KCTD16: variants seen among roughly 807,000 people sequenced by gnomAD.
The protein encoded by KCTD16 is BTB/POZ domain-containing protein KCTD16.
KCTD16 carries 13 observed loss-of-function variants against 33.2 expected under a neutral mutation model. That is an observed-to-expected ratio of 0.39 (90% CI 0.25 to 0.62). The LOEUF is 0.62. KCTD16 is among the 20% of genes least tolerant of loss of function. The pLI, the probability that KCTD16 is intolerant of heterozygous loss-of-function variation, is 0.50. For missense variants in KCTD16, 441 were observed against 525.1 expected, an observed-to-expected ratio of 0.84 and a Z score of 1.57; for synonymous variants, 197 against 195.3, an observed-to-expected ratio of 1.01 and a Z score of -0.07.
At chr5:144,346,345 T>G (rs576192462) in intron 3 of KCTD16, among the ~76,000 whole-genome samples, 129 of 152,316 alleles carry the variant, frequency 8.5e-4, no homozygotes, top group Middle Eastern at 3.4e-3. Flanking sequence ...TTTGATATAC[T>G]GATTTCCTTT....
chr5:144,427,002 C>T (rs940802991), intron 3 of KCTD16, among the ~76,000 whole-genome samples: 2 of 152,138 alleles, frequency 1.3e-5, no homozygotes, highest in South Asian at 2.1e-4. Context: ...ATATGCTACA[C>T]TTATTCCCAC....
chr5:144,189,888 A>T (rs1752807384), intron 2 of KCTD16, among the ~76,000 whole-genome samples: 1 of 152,158 alleles, frequency 6.6e-6, no homozygotes, highest in Non-Finnish European at 1.5e-5. Flanking sequence ...TAAAGAGTTT[A>T]TGTGGCCTCT....
chr5:144,438,194 T>C (rs553695054), intron 3 of KCTD16, among the ~76,000 whole-genome samples: 60 of 152,346 alleles, frequency 3.9e-4, no homozygotes, highest in Non-Finnish European at 6.8e-4. Context: ...TAGCCAGCAC[T>C]AGAGCATTTG....
At chr5:144,441,807 G>A (rs758532465) in intron 3 of KCTD16, among the ~76,000 whole-genome samples, 1 of 129,658 alleles carries the variant, frequency 7.7e-6, no homozygotes, top group Non-Finnish European at 1.6e-5. Context: ...CAGCAATTTT[G>A]TATCCCTTCC....
intron 3 of KCTD16, among the ~76,000 whole-genome samples, chr5:144,380,605 A>T (rs951913933): frequency 6.6e-6 from 1 of 152,192 alleles, no homozygotes; most frequent in African/African-American, 2.4e-5. Context: ...ATGAGGCTCC[A>T]GTTACCAAAA....
intron 3 of KCTD16, among the ~76,000 whole-genome samples, chr5:144,402,965 G>C (rs775705327): frequency 1.3e-5 from 2 of 152,170 alleles, no homozygotes; most frequent in African/African-American, 4.8e-5. Context: ...AGACTCCAGA[G>C]AAGAATCTGT....
chr5:144,300,672 A>G lies in KCTD16; in HGVS notation c.832+93126A>G, dbSNP rs1164257734. ...AATATGCCCCACTAGTGAAGACATA[A>G]CACTCTATTGAAGAGTACGGCCATA... On this transcript the variant is annotated intron_variant, in intron 3 of 3. Coordinates refer to ENST00000512467, the MANE Select transcript of KCTD16 (RefSeq NM_020768.4). 2.6e-5 allele frequency among the ~76,000 whole-genome samples: 4 copies of G among 152,226 alleles called. No homozygotes were observed. The South Asian group carries it at 6.2e-4, about 24-fold the overall frequency.
intron 3 of KCTD16, among the ~76,000 whole-genome samples, chr5:144,410,511 A>C (rs1752910076): frequency 2.0e-5 from 3 of 152,186 alleles, no homozygotes; most frequent in African/African-American, 7.2e-5. Flanking sequence ...TATAGAAACT[A>C]ATACTAGATT....
At chr5:144,304,275 A>G (rs1044890842) in intron 3 of KCTD16, among the ~76,000 whole-genome samples, 8 of 152,214 alleles carry the variant, frequency 5.3e-5, no homozygotes, top group Non-Finnish European at 1.0e-4. Context: ...AGGAAAGGAC[A>G]GTGTGATCCT....
At chr5:144,258,362 C>G (rs1000321267) in intron 3 of KCTD16, among the ~76,000 whole-genome samples, 3 of 151,838 alleles carry the variant, frequency 2.0e-5, no homozygotes, top group African/African-American at 4.8e-5. Flanking sequence ...GTACAGTTAT[C>G]TAGTAATTAT....
At chr5:144,210,292 T>G (rs553912279) in intron 3 of KCTD16, among the ~76,000 whole-genome samples, 4 of 152,212 alleles carry the variant, frequency 2.6e-5, no homozygotes, top group African/African-American at 7.2e-5. Flanking sequence ...TCAACAGGTA[T>G]TTGTATGTGC....
At chr5:144,263,318 G>A (rs570822365) in intron 3 of KCTD16, among the ~76,000 whole-genome samples, 5 of 152,120 alleles carry the variant, frequency 3.3e-5, no homozygotes, top group East Asian at 3.9e-4. Flanking sequence ...TCACATTTTC[G>A]TAACTAAATT....
intron 3 of KCTD16, among the ~76,000 whole-genome samples, chr5:144,312,967 G>T (rs1450125790): frequency 3.3e-5 from 5 of 152,168 alleles, no homozygotes; most frequent in African/African-American, 1.2e-4. Context: ...TCCGCTAATC[G>T]CCTTGAGTTG....
intron 3 of KCTD16, among the ~76,000 whole-genome samples, chr5:144,376,023 C>T (rs1229893227): frequency 1.3e-5 from 2 of 152,034 alleles, no homozygotes; most frequent in African/African-American, 4.8e-5. Flanking sequence ...CGGGGTTTCA[C>T]CATGTTGGCT....
At chr5:144,436,395 C>T (rs1753578512) in intron 3 of KCTD16, among the ~76,000 whole-genome samples, 3 of 152,126 alleles carry the variant, frequency 2.0e-5, no homozygotes, top group Admixed American at 6.5e-5. Context: ...TATTTTAACC[C>T]TCTGACCTCA....
At chr5:144,370,155 A>G (rs1319223200) in intron 3 of KCTD16, among the ~76,000 whole-genome samples, 1 of 152,078 alleles carries the variant, frequency 6.6e-6, no homozygotes, top group Non-Finnish European at 1.5e-5. Context: ...AGGACATTAG[A>G]ATAAGAGTAG....
chr5:144,182,928 A>G (rs1320123599), intron 2 of KCTD16, among the ~76,000 whole-genome samples: 1 of 152,212 alleles, frequency 6.6e-6, no homozygotes, highest in Non-Finnish European at 1.5e-5. Flanking sequence ...ACACATATAC[A>G]TACACAGAGT....
intron 3 of KCTD16, among the ~76,000 whole-genome samples, chr5:144,430,967 A>G (rs1202538524): frequency 2.0e-5 from 3 of 152,080 alleles, no homozygotes; most frequent in African/African-American, 7.2e-5. Context: ...AAATAACATA[A>G]ATATTCCATA....
At position 144,484,407 on chromosome 5, in the gene KCTD16, C is replaced by T. The variant is rs1046703500; in HGVS notation, c.*10293C>T. On this transcript the variant is annotated 3_prime_UTR_variant, in exon 4 of 4. Coordinates refer to ENST00000512467, the MANE Select transcript of KCTD16 (RefSeq NM_020768.4). ...GGAATCTTTGTGTTGGCTGAAGGAA[C>T]TTAGTAATCTTAGTTGAATTCCTCT... 6.6e-6 allele frequency: 1 copy of T among 151,924 alleles called. No individual in the cohort carries two copies. The highest frequency in any genetic ancestry group is 1.5e-5 in the Non-Finnish European group (1 of 67,906). The allele number at this position is 151,924 out of a possible 1,614,324, so 9.4% of individuals were successfully genotyped here. A position where few individuals can be genotyped will look rare whatever the true frequency, so the allele number is the denominator to read the frequency against.
Sources: allele counts gnomAD v4.1 joint callset (sites outside exome capture counted in the v4.1 genomes callset), GRCh38; gene constraint gnomAD v4.1.1; transcripts MANE v1.5; gene names NCBI Gene and HGNC (gene_info 2026-07-23, HGNC 2026-07-21).